Variants in VRK2 observed in about 807,000 individuals in gnomAD.
VRK2 encodes the protein VRK serine/threonine kinase 2, also known as serine/threonine-protein kinase VRK2.
Under a neutral mutation model 57.6 loss-of-function variants are expected in VRK2, and 60 were observed. The ratio of observed to expected loss-of-function variants is 1.04; its 90% CI spans 0.85 to 1.29. VRK2 has a LOEUF of 1.29. Among genes scored for constraint, VRK2 ranks in the 50% most tolerant of loss-of-function variants. The pLI is 0.00. For missense variants in VRK2, 705 were observed against 588.1 expected (o/e 1.20, Z -2.06); for synonymous variants, 231 against 199.2 (o/e 1.16, Z -1.35).
At chr2:57,954,639 CAG>C (rs1451853392) in intron 1 of VRK2, among the ~76,000 whole-genome samples, 1 of 151,840 alleles carries the variant, frequency 6.6e-6, no homozygotes, top group African/African-American at 2.4e-5. Flanking sequence ...TTACTAAGTT[CAG>C]AGTGTTGCTA....
chr2:57,927,509 T>G (rs1670579653), intron 1 of VRK2, among the ~76,000 whole-genome samples: 2 of 152,180 alleles, frequency 1.3e-5, no homozygotes, highest in African/African-American at 4.8e-5. Context: ...ACTCCTGACC[T>G]CATGATCCAC....
At chr2:58,039,466 C>A (rs897463297) in intron 3 of VRK2, among the ~76,000 whole-genome samples, 1 of 152,084 alleles carries the variant, frequency 6.6e-6, no homozygotes, top group African/African-American at 2.4e-5. Context: ...TTCTGTTTCT[C>A]CTCTAGCCTT....
chr2:58,148,606 T>A (rs1476374839), intron 12 of VRK2, among the ~76,000 whole-genome samples: 3 of 151,846 alleles, frequency 2.0e-5, no homozygotes, highest in Non-Finnish European at 4.4e-5. Context: ...TACCTCAAGG[T>A]CACAAAGTTA....
At chr2:58,037,680 T>C (rs1300014026) in intron 3 of VRK2, among the ~76,000 whole-genome samples, 1 of 152,128 alleles carries the variant, frequency 6.6e-6, no homozygotes, top group East Asian at 1.9e-4. Flanking sequence ...TTTACTATGC[T>C]AGGTTCTTTG....
intron 12 of VRK2, chr2:58,147,250 A>C: frequency 6.0e-6 from 3 of 503,042 alleles, no homozygotes; most frequent in South Asian, 4.4e-5. Flanking sequence ...GAAGCATAGT[A>C]CTTATGCATT....
chr2:57,929,817 G>C (rs192556126), intron 1 of VRK2, among the ~76,000 whole-genome samples: 1 of 152,254 alleles, frequency 6.6e-6, no homozygotes, highest in East Asian at 1.9e-4. Context: ...TCAAGGCAAT[G>C]GGTTCCTTTT....
chr2:58,059,615 A>G (rs1474776580), intron 2 of VRK2, among the ~76,000 whole-genome samples: 11 of 151,838 alleles, frequency 7.2e-5, no homozygotes, highest in Admixed American at 7.2e-4. Flanking sequence ...TTTAGTTATA[A>G]TAAAAGTCTA....
In VRK2 at chr2:58,084,950, A is replaced by G. The variant is rs1345410198; in HGVS notation, c.256A>G (p.Ile86Val). 2 of 1,578,968 alleles carry G rather than the reference A, an allele frequency of 1.3e-6. No individual in the cohort carries two copies. Among genetic ancestry groups the G allele is most frequent in the Non-Finnish European group, 1.7e-6 (2 of 1,163,446 alleles). ...FYQRVAKKDCIKKWIERKQLD... is the reference protein window; with the variant it reads ...FYQRVAKKDCVKKWIERKQLD... ...TCAGAGAGTTGCAAAAAAAGACTGT[A>G]GTAAGTAAAATTAGCAAAGCAAGCT... The change falls in exon 4 of 13, where the codon ATC becomes GTC. Residue 86 changes from isoleucine (I) to valine (V), a missense_variant and splice_region_variant. Physicochemically the swap from Ile to Val is conservative, Grantham distance 29 (BLOSUM62 3). Transcript: ENST00000340157.
intron 1 of VRK2, among the ~76,000 whole-genome samples, chr2:57,914,066 T>A (rs765914112): frequency 6.6e-6 from 1 of 152,062 alleles, no homozygotes; most frequent in Non-Finnish European, 1.5e-5. Flanking sequence ...AAATTTATTT[T>A]ATAGAATATT....
intron 10 of VRK2, 39 bp downstream of exon 10, chr2:58,135,238 A>G: frequency 6.2e-7 from 1 of 1,609,488 alleles, no homozygotes; most frequent in South Asian, 1.1e-5. Flanking sequence ...CTTACGATTT[A>G]CAGGTTGCCA....
At chr2:57,961,985 G>A (rs999903575) in intron 1 of VRK2, among the ~76,000 whole-genome samples, 3 of 152,214 alleles carry the variant, frequency 2.0e-5, no homozygotes, top group African/African-American at 4.8e-5. Flanking sequence ...GCTGAAGTGG[G>A]AGGATCGTTT....
At chr2:58,065,564 A>G (rs1668491257) in intron 2 of VRK2, among the ~76,000 whole-genome samples, 1 of 152,102 alleles carries the variant, frequency 6.6e-6, no homozygotes, top group Non-Finnish European at 1.5e-5. Context: ...CTTTTTCTTC[A>G]AAATTGTTTT....
At chr2:57,997,655 CAGTTTGGG>C (rs1386248209) in intron 1 of VRK2, among the ~76,000 whole-genome samples, 2 of 152,108 alleles carry the variant, frequency 1.3e-5, no homozygotes, top group African/African-American at 4.8e-5. Context: ...GTAATCCCGG[CAGTTTGGG>C]AAGCTGAAGT....
intron 1 of VRK2, among the ~76,000 whole-genome samples, chr2:57,962,428 C>A (rs1384441850): frequency 6.6e-6 from 1 of 151,920 alleles, no homozygotes; most frequent in Admixed American, 6.6e-5. Context: ...TGTTTTTTAA[C>A]TCTTATTTTA....
At chr2:58,158,126 G>T (rs1424190660) in intron 12 of VRK2, among the ~76,000 whole-genome samples, 1 of 152,110 alleles carries the variant, frequency 6.6e-6, no homozygotes, top group Non-Finnish European at 1.5e-5. Context: ...CCTAAGTGGA[G>T]ATATCTCCCA....
intron 1 of VRK2, among the ~76,000 whole-genome samples, chr2:57,981,890 G>A (rs1053005063): frequency 3.3e-5 from 5 of 152,110 alleles, no homozygotes; most frequent in African/African-American, 1.2e-4. Context: ...TATCATTTCA[G>A]CCATTTTAGT....
At position 58,125,119 on chromosome 2, in the gene VRK2, G is replaced by C. The variant is rs149383165; in HGVS notation, c.676+1886G>C. On this transcript the variant is annotated intron_variant, in intron 8 of 12. Coordinates refer to ENST00000340157, the MANE Select transcript of VRK2 (RefSeq NM_006296.7). ...ATACAGGTTCTTAAGCATTGGCCCA[G>C]TTATATTAATAATGATACCAACTTA... is the stretch of plus-strand genomic sequence containing the variant. Among the ~76,000 whole-genome samples the C allele has an allele frequency of 4.3e-3, 652 of 152,176 alleles. 5 individuals are homozygous for C. The highest frequency in any genetic ancestry group is 0.015 in the African/African-American group (626 of 41,540).
chr2:57,930,901 T>C (rs901497363), intron 1 of VRK2, among the ~76,000 whole-genome samples: 17 of 152,214 alleles, frequency 1.1e-4, no homozygotes, highest in African/African-American at 4.1e-4. Context: ...GGTTTATCTA[T>C]ATTTTTGCAA....
At chr2:58,127,877 G>C (rs1678602612) in intron 8 of VRK2, among the ~76,000 whole-genome samples, 1 of 152,168 alleles carries the variant, frequency 6.6e-6, no homozygotes, top group African/African-American at 2.4e-5. Context: ...CAAACAGGGA[G>C]ATAAATCTTG....
Sources: allele counts gnomAD v4.1 joint callset (sites outside exome capture counted in the v4.1 genomes callset), GRCh38; gene constraint gnomAD v4.1.1; transcripts MANE v1.5; gene names NCBI Gene and HGNC (gene_info 2026-07-23, HGNC 2026-07-21).